COL26A1: variants seen among roughly 807,000 people sequenced by gnomAD.
COL26A1 encodes collagen type XXVI alpha 1 chain, also known as collagen alpha-1(XXVI) chain.
Under a neutral mutation model 59.3 loss-of-function variants are expected in COL26A1, and 41 were observed. The observed-to-expected ratio is 0.69, with a 90% CI of 0.54 to 0.90. The LOEUF is 0.90. Ranked by LOEUF, COL26A1 falls within the 40% of genes least tolerant of loss-of-function variation. The pLI, the probability that COL26A1 is intolerant of heterozygous loss-of-function variation, is 0.00. For synonymous variants in COL26A1, 266 were observed against 256.0 expected (o/e 1.04, Z -0.37); for missense variants, 612 against 602.3 (o/e 1.02, Z -0.17).
chr7:101,481,884 G>A (rs975648109), intron 3 of COL26A1, among the ~76,000 whole-genome samples: 1 of 152,050 alleles, frequency 6.6e-6, no homozygotes, highest in African/African-American at 2.4e-5. Context: ...TAGACAGTGG[G>A]AATATTGTCC....
chr7:101,515,354 G>A (rs115805268), intron 3 of COL26A1, among the ~76,000 whole-genome samples: 4 of 151,202 alleles, frequency 2.6e-5, no homozygotes, highest in African/African-American at 7.3e-5. Flanking sequence ...TGGCGCGATC[G>A]GCTCGCTGCA....
At chr7:101,494,810 G>A (rs1044530865) in intron 3 of COL26A1, among the ~76,000 whole-genome samples, 1 of 152,218 alleles carries the variant, frequency 6.6e-6, no homozygotes, top group African/African-American at 2.4e-5. Flanking sequence ...CTTGGTCCCG[G>A]CGCCATGGCT....
intron 4 of COL26A1, among the ~76,000 whole-genome samples, chr7:101,536,049 TCGTGCTATCTCAGTGTGGTGGCG>T (rs1795476198): frequency 6.6e-6 from 1 of 152,200 alleles, no homozygotes. Flanking sequence ...AGACAAGGTC[TCGTGCTATCTCAGTGTGGTGGCG>T]TGATCTCAGC....
intron 3 of COL26A1, among the ~76,000 whole-genome samples, chr7:101,481,444 CA>C (rs1491416338): frequency 2.6e-5 from 3 of 117,106 alleles, no homozygotes; most frequent in Non-Finnish European, 5.5e-5. Context: ...TAGAATCTCC[CA>C]AAATATATAT....
intron 3 of COL26A1, among the ~76,000 whole-genome samples, chr7:101,489,454 A>T (rs1329194463): frequency 6.6e-6 from 1 of 152,228 alleles, no homozygotes; most frequent in Non-Finnish European, 1.5e-5. Context: ...GTCCTGATCC[A>T]GACGCCAAGA....
Position 101,475,704 on chromosome 7 carries a change from C to T in COL26A1, c.385+27917C>T, listed in dbSNP as rs775335144. 9.9e-5 allele frequency among the ~76,000 whole-genome samples: 15 copies of T among 151,816 alleles called. 1 individual carries two copies. Among genetic ancestry groups the T allele is most frequent in the Non-Finnish European group, 1.5e-4 (10 of 67,988 alleles). On this transcript the variant is annotated intron_variant, in intron 3 of 12. Transcript: ENST00000313669. ...CCTACTGTGTATTGGATGTGCGTGG[C>T]GATGATGCATGATTCTGTGGTGATT...
In COL26A1 at chr7:101,555,768, C is replaced by T. The variant is rs1286699661; in HGVS notation, c.1081-19C>T. ...TTCCTCATGGCCGGCCCTGACCCTG[C>T]CTGTTTCCTCCCCGCCAGGGCGAGG... is the stretch of plus-strand genomic sequence containing the variant. On this transcript the variant is annotated intron_variant, in intron 11 of 12. Transcript: ENST00000313669. The T allele has an allele frequency of 1.3e-6, 2 of 1,596,400 alleles. No individual in the cohort carries two copies. Among genetic ancestry groups the T allele is most frequent in the South Asian group, 1.1e-5 (1 of 87,816 alleles).
chr7:101,488,349 A>AATTTATATATAT (rs1491342922), intron 3 of COL26A1, among the ~76,000 whole-genome samples: 60 of 104,962 alleles, frequency 5.7e-4, no homozygotes, highest in African/African-American at 2.4e-3. Context: ...AATTTTATTT[A>AATTTATATATAT]ATATATATAT....
chr7:101,544,340 G>A (rs1442356131), intron 6 of COL26A1, among the ~76,000 whole-genome samples: 1 of 152,026 alleles, frequency 6.6e-6, no homozygotes, highest in Non-Finnish European at 1.5e-5. Flanking sequence ...CAATTCTCCT[G>A]CCTCAGCCTC....
intron 3 of COL26A1, among the ~76,000 whole-genome samples, chr7:101,473,939 CATATCCTCCAG>C (rs1793974003): frequency 6.6e-6 from 1 of 152,100 alleles, no homozygotes; most frequent in Non-Finnish European, 1.5e-5. Flanking sequence ...AAAAATGATG[CATATCCTCCAG>C]AGTGTTGGAA....
intron 1 of COL26A1, among the ~76,000 whole-genome samples, chr7:101,376,493 T>C (rs952175789): frequency 5.3e-5 from 8 of 152,144 alleles, no homozygotes; most frequent in Non-Finnish European, 1.2e-4. Flanking sequence ...GCAGGTCTTG[T>C]AGGATGAGCA....
chr7:101,416,530 T>C (rs746183093), intron 1 of COL26A1, among the ~76,000 whole-genome samples: 2 of 143,632 alleles, frequency 1.4e-5, no homozygotes, highest in Non-Finnish European at 3.2e-5. Flanking sequence ...CTTCCAGAGC[T>C]ACTACTATAT....
chr7:101,385,367 G>GTGTATATA (rs896826101), intron 1 of COL26A1, among the ~76,000 whole-genome samples: 3 of 137,022 alleles, frequency 2.2e-5, no homozygotes, highest in African/African-American at 7.6e-5. Context: ...ATATATGTGT[G>GTGTATATA]TATATATATA....
chr7:101,419,174 T>C (rs1262369902), intron 1 of COL26A1, among the ~76,000 whole-genome samples: 1 of 144,314 alleles, frequency 6.9e-6, no homozygotes, highest in Admixed American at 7.0e-5. Flanking sequence ...TGTAGTGAAG[T>C]AGCATGATCA....
At chr7:101,521,009 G>A (rs913663985) in intron 3 of COL26A1, among the ~76,000 whole-genome samples, 2 of 152,168 alleles carry the variant, frequency 1.3e-5, no homozygotes, top group African/African-American at 2.4e-5. Context: ...GGTAATTGAC[G>A]AAGAAAAGAG....
intron 2 of COL26A1, among the ~76,000 whole-genome samples, chr7:101,425,168 C>T (rs62463414): frequency 2.0e-5 from 3 of 147,928 alleles, no homozygotes; most frequent in South Asian, 2.1e-4. Flanking sequence ...GGGTGGATCA[C>T]GAGGTCAGCA....
At chr7:101,449,612 A>T (rs1053169493) in intron 3 of COL26A1, among the ~76,000 whole-genome samples, 6 of 151,438 alleles carry the variant, frequency 4.0e-5, no homozygotes, top group African/African-American at 1.2e-4. Context: ...CTACTAAAAT[A>T]TACAAAAATT....
intron 3 of COL26A1, among the ~76,000 whole-genome samples, chr7:101,478,000 T>G (rs1175634553): frequency 6.6e-6 from 1 of 152,232 alleles, no homozygotes; most frequent in African/African-American, 2.4e-5. Context: ...ATTTATTTTT[T>G]GAGACGGAGT....
At chr7:101,463,713 C>G (rs1456827690) in intron 3 of COL26A1, among the ~76,000 whole-genome samples, 1 of 120,620 alleles carries the variant, frequency 8.3e-6, no homozygotes, top group African/African-American at 3.2e-5. Flanking sequence ...CTCTTTCTTT[C>G]TTTTTTCCCC....
Sources: gnomAD v4.1 joint callset for allele counts (sites outside exome capture counted in the v4.1 genomes callset) on GRCh38, gnomAD v4.1.1 for gene constraint, MANE v1.5 for transcripts, NCBI Gene and HGNC (gene_info 2026-07-23, HGNC 2026-07-21) for gene names.